The following FAT3 variants were observed in gnomAD, a reference collection of about 807,000 sequenced individuals.
FAT3 encodes FAT atypical cadherin 3, also known as protocadherin Fat 3.
Under a neutral mutation model 310.2 loss-of-function variants are expected in FAT3, and 95 were observed. That is an observed-to-expected ratio of 0.31 (90% confidence interval 0.26 to 0.36). The LOEUF is 0.36. Among genes scored for constraint, FAT3 ranks in the 10% least tolerant of loss-of-function variants. The pLI is 1.00. For missense variants in FAT3, 5,408 were observed against 5,715.6 expected (o/e 0.95, Z 1.74); for synonymous variants, 2,314 against 2,192.9 (o/e 1.06, Z -1.54).
At chr11:92,507,712 C>CATAT (rs987878667) in intron 2 of FAT3, among the ~76,000 whole-genome samples, 4 of 151,596 alleles carry the variant, frequency 2.6e-5, no homozygotes, top group African/African-American at 9.7e-5. Flanking sequence ...ATATATACAA[C>CATAT]ATATACATGT....
At position 92,774,029 on chromosome 11, in the gene FAT3, T is replaced by C. The variant is rs1178079839; in HGVS notation, c.4196-12T>C. 2 of 1,611,728 alleles carry C rather than the reference T, an allele frequency of 1.2e-6. No homozygotes were observed. The highest frequency in any genetic ancestry group is 1.7e-6 in the Non-Finnish European group (2 of 1,179,094). On this transcript the variant is annotated splice_polypyrimidine_tract_variant and intron_variant, in intron 6 of 27. Coordinates refer to ENST00000525166, the MANE Select transcript of FAT3 (RefSeq NM_001367949.2). ...CAGATTTGCTAATTTCATGTTTCTG[T>C]GAAATCATCAGGGGGGAATTTTGAC...
chr11:92,310,060 A>G (rs979735590), intron 1 of FAT3, among the ~76,000 whole-genome samples: 12 of 152,268 alleles, frequency 7.9e-5, no homozygotes, highest in South Asian at 4.1e-4. Flanking sequence ...AAAAACAACA[A>G]AAAACACCCT....
chr11:92,628,223 A>G (rs928085394), intron 3 of FAT3, among the ~76,000 whole-genome samples: 1 of 152,194 alleles, frequency 6.6e-6, no homozygotes, highest in Non-Finnish European at 1.5e-5. Flanking sequence ...TGTTTAAGTA[A>G]CTTTTAGAAT....
At chr11:92,857,462 C>A in intron 20 of FAT3, 114 bp downstream of exon 20, 11 of 1,410,438 alleles carry the variant, frequency 7.8e-6, no homozygotes, top group African/African-American at 1.4e-5. Flanking sequence ...TGCATGCAAC[C>A]TTTTCCTTTA....
intron 3 of FAT3, among the ~76,000 whole-genome samples, chr11:92,592,201 A>G (rs922802980): frequency 6.6e-6 from 1 of 152,160 alleles, no homozygotes; most frequent in Non-Finnish European, 1.5e-5. Flanking sequence ...GGGGAATGAA[A>G]AAAAGGCACA....
chr11:92,411,694 A>G (rs1398327911), intron 2 of FAT3, among the ~76,000 whole-genome samples: 1 of 152,102 alleles, frequency 6.6e-6, no homozygotes, highest in Non-Finnish European at 1.5e-5. Context: ...CAAAGTTCGC[A>G]AAGTCATTAA....
chr11:92,394,926 T>C (rs530165343), intron 2 of FAT3, among the ~76,000 whole-genome samples: 1 of 152,300 alleles, frequency 6.6e-6, no homozygotes, highest in South Asian at 2.1e-4. Context: ...AAATGTATCC[T>C]CAGAATTCAG....
intron 3 of FAT3, among the ~76,000 whole-genome samples, chr11:92,562,268 C>A (rs530254690): frequency 6.6e-6 from 1 of 152,124 alleles, no homozygotes; most frequent in Non-Finnish European, 1.5e-5. Flanking sequence ...ATATACAATA[C>A]TTCCTACCAT....
At chr11:92,881,592 T>C (rs1372079542) in intron 23 of FAT3, among the ~76,000 whole-genome samples, 1 of 152,200 alleles carries the variant, frequency 6.6e-6, no homozygotes, top group African/African-American at 2.4e-5. Context: ...TTCTGACTAA[T>C]TTCCGGCTGT....
At chr11:92,524,574 ATTAT>A in intron 2 of FAT3, 56 bp from the exon 3 acceptor site, 2 of 1,513,342 alleles carry the variant, frequency 1.3e-6, no homozygotes. Context: ...GGAATTTGAG[ATTAT>A]TTATTTAATG....
intron 3 of FAT3, among the ~76,000 whole-genome samples, chr11:92,599,781 A>G (rs912294792): frequency 1.3e-5 from 2 of 152,246 alleles, no homozygotes; most frequent in African/African-American, 4.8e-5. Context: ...GGTACTCCAT[A>G]CATAGGGGAG....
chr11:92,397,755 ATTT>A (rs569826914), intron 2 of FAT3, among the ~76,000 whole-genome samples: 3 of 135,192 alleles, frequency 2.2e-5, no homozygotes, highest in Non-Finnish European at 1.6e-5. Flanking sequence ...CCTTCCCAGA[ATTT>A]TTTTTTTTTT....
chr11:92,807,005 CTAGGAG>C (rs1324088934), intron 12 of FAT3, among the ~76,000 whole-genome samples: 22 of 152,220 alleles, frequency 1.4e-4, no homozygotes, highest in African/African-American at 5.3e-4. Context: ...CAGTTAATCT[CTAGGAG>C]CTTCCCTCAG....
intron 4 of FAT3, among the ~76,000 whole-genome samples, chr11:92,706,981 T>A (rs1426490787): frequency 6.6e-6 from 1 of 152,310 alleles, no homozygotes; most frequent in Non-Finnish European, 1.5e-5. Context: ...GAGCATGTCA[T>A]CTGGCAGTAG....
intron 4 of FAT3, among the ~76,000 whole-genome samples, chr11:92,757,099 CT>C (rs1946018618): frequency 6.6e-6 from 1 of 151,572 alleles, no homozygotes; most frequent in Non-Finnish European, 1.5e-5. Context: ...TAATTTTGCA[CT>C]TTTAGTAGAG....
chr11:92,682,149 T>C (rs1943498966), intron 3 of FAT3, among the ~76,000 whole-genome samples: 1 of 152,208 alleles, frequency 6.6e-6, no homozygotes, highest in African/African-American at 2.4e-5. Context: ...TTAGGCAAGT[T>C]ACACGGTCTT....
chr11:92,537,931 G>A (rs917232505), intron 3 of FAT3, among the ~76,000 whole-genome samples: 1 of 152,046 alleles, frequency 6.6e-6, no homozygotes, highest in African/African-American at 2.4e-5. Flanking sequence ...GGGTAAGTGG[G>A]GGAGATATCA....
chr11:92,675,154 G>A (rs1943249334), intron 3 of FAT3, among the ~76,000 whole-genome samples: 1 of 152,128 alleles, frequency 6.6e-6, no homozygotes, highest in Non-Finnish European at 1.5e-5. Flanking sequence ...TATTCTCTTT[G>A]TGGTCCTTGA....
chr11:92,292,790 A>G (rs1033430259), intron 1 of FAT3, among the ~76,000 whole-genome samples: 4 of 152,060 alleles, frequency 2.6e-5, no homozygotes, highest in African/African-American at 7.2e-5. Context: ...CTGGACTCTG[A>G]TATCACAGGT....
Sources: gnomAD v4.1 joint callset for allele counts (sites outside exome capture counted in the v4.1 genomes callset) on GRCh38, gnomAD v4.1.1 for gene constraint, MANE v1.5 for transcripts, NCBI Gene and HGNC (gene_info 2026-07-23, HGNC 2026-07-21) for gene names.